The following PRICKLE2 variants were observed in gnomAD, a reference collection of about 807,000 sequenced individuals.
PRICKLE2 encodes the protein prickle-like protein 2.
In PRICKLE2, 21 loss-of-function variants were observed where a neutral mutation model predicts 81.4. That is an observed-to-expected ratio of 0.26 (90% CI 0.18 to 0.37). PRICKLE2 has a LOEUF of 0.37. PRICKLE2 is among the 10% of genes least tolerant of loss of function. The probability of loss-of-function intolerance (pLI) is 1.00; values close to 1 mark genes in which losing one functional copy is unlikely to be tolerated. For missense variants in PRICKLE2, 940 were observed against 1,109.0 expected (o/e 0.85, Z 2.16); for synonymous variants, 456 against 421.5 (o/e 1.08, Z -1.00).
intron 2 of PRICKLE2, among the ~76,000 whole-genome samples, chr3:64,261,537 ATG>A (rs955322709): frequency 1.3e-5 from 2 of 152,144 alleles, no homozygotes; most frequent in Non-Finnish European, 2.9e-5. Flanking sequence ...GCCAAGAAAA[ATG>A]TGGGCTGTGG....
chr3:64,118,321 C>T (rs1025358868), intron 7 of PRICKLE2, among the ~76,000 whole-genome samples: 2 of 152,018 alleles, frequency 1.3e-5, no homozygotes, highest in African/African-American at 4.8e-5. Flanking sequence ...AAAGCAATTG[C>T]GACAAAAGCA....
intron 2 of PRICKLE2, among the ~76,000 whole-genome samples, chr3:64,254,439 G>T (rs186963296): frequency 1.3e-5 from 2 of 152,320 alleles, no homozygotes; most frequent in Admixed American, 6.5e-5. Flanking sequence ...AAACCACCTA[G>T]ATGAGAAACA....
intron 7 of PRICKLE2, among the ~76,000 whole-genome samples, chr3:64,131,148 C>T (rs1025321457): frequency 6.6e-6 from 1 of 152,156 alleles, no homozygotes; most frequent in African/African-American, 2.4e-5. Flanking sequence ...CTGAATTTGC[C>T]CCAAATTGTG....
chr3:64,172,199 T>A (rs1380179390), intron 2 of PRICKLE2, among the ~76,000 whole-genome samples: 1 of 152,260 alleles, frequency 6.6e-6, no homozygotes, highest in Non-Finnish European at 1.5e-5. Context: ...AACTTGGGGT[T>A]TGAACATTTT....
intron 1 of PRICKLE2, among the ~76,000 whole-genome samples, chr3:64,202,926 T>C (rs2078615105): frequency 6.6e-6 from 1 of 152,194 alleles, no homozygotes; most frequent in African/African-American, 2.4e-5. Context: ...CTTTATCAGG[T>C]AGAGGAAGTT....
At chr3:64,172,237 C>T (rs768694238) in intron 2 of PRICKLE2, among the ~76,000 whole-genome samples, 27 of 152,164 alleles carry the variant, frequency 1.8e-4, no homozygotes, top group Non-Finnish European at 3.2e-4. Flanking sequence ...AAATAGACTC[C>T]CTCATCCCAA....
intron 1 of PRICKLE2, among the ~76,000 whole-genome samples, chr3:64,202,195 C>T (rs2078595665): frequency 6.6e-6 from 1 of 152,108 alleles, no homozygotes; most frequent in East Asian, 1.9e-4. Flanking sequence ...TTGTTCTTCT[C>T]TTAAAAAACT....
chr3:64,153,318 C>T lies in PRICKLE2; in HGVS notation c.651G>A (p.Met217Ile). ...CACACTCGAAGCAGCAAAAGTGTTT[C>T]ATGTGCCAGTGTCGCCCCTCAGCTT... ...CTEAEGRHWH[M>I]KHFCCFECET... Residue 217 changes from methionine (M) to isoleucine (I), a missense_variant, in exon 6 of 8, where the codon ATG (methionine) becomes ATA (isoleucine). Met to Ile is a conservative substitution (Grantham distance 10). Transcript: ENST00000638394. 1 of 1,614,170 alleles carries T rather than the reference C, an allele frequency of 6.2e-7. No individual in the cohort carries two copies. The highest frequency in any genetic ancestry group is 8.5e-7 in the Non-Finnish European group (1 of 1,180,024).
chr3:64,151,972 C>T (rs2077554237), intron 6 of PRICKLE2, among the ~76,000 whole-genome samples: 1 of 152,086 alleles, frequency 6.6e-6, no homozygotes, highest in Non-Finnish European at 1.5e-5. Context: ...GAGCTTAAGC[C>T]CAGGCCTGAG....
chr3:64,146,811 C>T lies in PRICKLE2; in HGVS notation c.1660+19G>A, dbSNP rs2077462549. On this transcript the variant is annotated intron_variant, in intron 7 of 7. Transcript: ENST00000638394. ...AGACTACCCCCTTTCTATCTGTTTT[C>T]AAGGTGAACAGAACCTACCTGTTGC... 2 of 1,613,762 alleles carry T rather than the reference C, an allele frequency of 1.2e-6. No homozygotes were observed. Among genetic ancestry groups the T allele is most frequent in the African/African-American group, 2.7e-5 (2 of 74,902 alleles).
At chr3:64,126,602 G>T (rs2077110754) in intron 7 of PRICKLE2, among the ~76,000 whole-genome samples, 1 of 152,052 alleles carries the variant, frequency 6.6e-6, no homozygotes, top group South Asian at 2.1e-4. Flanking sequence ...TTTTTAGACG[G>T]AGTCTTGCTC....
At chr3:64,244,384 G>T (rs1454128629) in intron 2 of PRICKLE2, among the ~76,000 whole-genome samples, 2 of 152,158 alleles carry the variant, frequency 1.3e-5, no homozygotes, top group Non-Finnish European at 2.9e-5. Flanking sequence ...AACTGGCAAA[G>T]GGAATTATGT....
intron 7 of PRICKLE2, among the ~76,000 whole-genome samples, chr3:64,133,019 A>T (rs1325213406): frequency 9.8e-5 from 15 of 152,314 alleles, no homozygotes; most frequent in African/African-American, 3.6e-4. Flanking sequence ...AGAGGATTCA[A>T]AATTCTTCTT....
intron 2 of PRICKLE2, among the ~76,000 whole-genome samples, chr3:64,259,077 G>T (rs1396631606): frequency 6.6e-6 from 1 of 152,080 alleles, no homozygotes; most frequent in Admixed American, 6.6e-5. Flanking sequence ...TCAGTGAAAA[G>T]ATCTAGAAGA....
intron 7 of PRICKLE2, among the ~76,000 whole-genome samples, chr3:64,145,228 T>C (rs952783500): frequency 6.8e-6 from 1 of 147,212 alleles, no homozygotes; most frequent in African/African-American, 2.5e-5. Context: ...GTCTCCTAAG[T>C]AGCTGGGACT....
chr3:64,198,753 AC>A (rs1338498232), intron 2 of PRICKLE2, 30 bp downstream of exon 2: 1 of 1,611,824 alleles, frequency 6.2e-7, no homozygotes, highest in African/African-American at 1.3e-5. Context: ...AAACACCCAA[AC>A]CACCAGCATG....
chr3:64,194,831 C>G (rs1348960978), intron 2 of PRICKLE2, among the ~76,000 whole-genome samples: 2 of 152,060 alleles, frequency 1.3e-5, no homozygotes, highest in East Asian at 3.9e-4. Context: ...TGCTTGAGGT[C>G]AGGAGTTCAA....
chr3:64,149,412 C>T (rs1199073366), intron 6 of PRICKLE2, among the ~76,000 whole-genome samples: 1 of 152,236 alleles, frequency 6.6e-6, no homozygotes, highest in Non-Finnish European at 1.5e-5. Flanking sequence ...GGCAGTCACA[C>T]AGCAGGCTCT....
In PRICKLE2 at chr3:64,128,918, AT is replaced by A. The variant is rs3055735; in HGVS notation, c.1660+17911del. 4.7e-4 allele frequency among the ~76,000 whole-genome samples: 71 copies of A among 149,960 alleles called. 1 individual carries two copies. Among genetic ancestry groups the A allele is most frequent in the Middle Eastern group, 3.5e-3 (1 of 288 alleles). On this transcript the variant is annotated intron_variant, in intron 7 of 7. Transcript: ENST00000638394. ...TTTGGGGTTATGGCAGGGATTTTTT[AT>A]TTTTTTTTTAACTTCGACACTGTTG... is the stretch of plus-strand genomic sequence containing the variant.
Sources: allele counts gnomAD v4.1 joint callset (sites outside exome capture counted in the v4.1 genomes callset), GRCh38; gene constraint gnomAD v4.1.1; transcripts MANE v1.5; gene names NCBI Gene and HGNC (gene_info 2026-07-23, HGNC 2026-07-21).